SMAP1: variants seen among roughly 807,000 people sequenced by gnomAD.
SMAP1 encodes small ArfGAP 1.
A neutral mutation model predicts 58.5 loss-of-function variants in SMAP1; 24 were observed. The observed-to-expected ratio is 0.41, with a 90% confidence interval of 0.30 to 0.58. The LOEUF is 0.58. Among genes scored for constraint, SMAP1 ranks in the 20% least tolerant of loss-of-function variants. SMAP1 has a pLI of 0.29. For synonymous variants in SMAP1, 216 were observed against 196.6 expected (o/e 1.10, Z -0.82); for missense variants, 563 against 566.3 (o/e 0.99, Z 0.06).
chr6:70,777,346 T>G (rs1257059266), intron 4 of SMAP1, among the ~76,000 whole-genome samples: 1 of 152,216 alleles, frequency 6.6e-6, no homozygotes, highest in Non-Finnish European at 1.5e-5. Flanking sequence ...CCATCTTGGC[T>G]CCTCCTGCAT....
intron 3 of SMAP1, among the ~76,000 whole-genome samples, chr6:70,759,560 T>C (rs1244968067): frequency 2.0e-5 from 3 of 152,120 alleles, no homozygotes; most frequent in African/African-American, 7.2e-5. Flanking sequence ...GGCAGGACAG[T>C]ATATATCTTC....
chr6:70,857,685 A>G, intron 9 of SMAP1: 1 of 522,904 alleles, frequency 1.9e-6, no homozygotes, highest in Non-Finnish European at 3.4e-6. Flanking sequence ...TGGCTGTTGC[A>G]TATGATTTAC....
At chr6:70,771,042 C>T (rs886422572) in intron 3 of SMAP1, among the ~76,000 whole-genome samples, 15 of 152,126 alleles carry the variant, frequency 9.9e-5, no homozygotes, top group African/African-American at 3.6e-4. Flanking sequence ...TGGGTACCAG[C>T]AGTGGTGGCT....
chr6:70,702,151 CTTAGTT>C (rs912853656), intron 1 of SMAP1, among the ~76,000 whole-genome samples: 4 of 151,944 alleles, frequency 2.6e-5, no homozygotes, highest in African/African-American at 7.2e-5. Context: ...TCTGTTTATC[CTTAGTT>C]TTAATCAGTT....
intron 6 of SMAP1, among the ~76,000 whole-genome samples, chr6:70,802,866 G>A (rs12203441): frequency 0.44 from 66,048 of 151,806 alleles, 14,711 homozygotes; most frequent in South Asian, 0.5. Flanking sequence ...CCACTTGATC[G>A]TGGTGGATAA....
In SMAP1 at chr6:70,857,946, T is replaced by C. The variant is rs118174139; in HGVS notation, c.986T>C (p.Ile329Thr). Reference protein sequence around the residue: ...TPGVFMGPTNIPFTSQAPAAF... With the variant: ...TPGVFMGPTNTPFTSQAPAAF... ...GGTGTATTTATGGGACCCACAAATA[T>C]ACCATTTACCTCACAAGCACCAGCT... Residue 329 changes from isoleucine to threonine, a missense_variant, in exon 10 of 11, where the codon ATA (isoleucine) becomes ACA (threonine). By Grantham distance (89) the Ile-to-Thr change is moderately conservative. Transcript: ENST00000370455. 1.5e-4 allele frequency: 242 copies of C among 1,614,138 alleles called. 1 individual carries two copies. In the East Asian group the frequency reaches 2.7e-3, roughly 18 times the overall value.
chr6:70,761,092 G>T (rs1766727830), intron 3 of SMAP1, among the ~76,000 whole-genome samples: 1 of 151,816 alleles, frequency 6.6e-6, no homozygotes, highest in African/African-American at 2.4e-5. Flanking sequence ...TTTCTTCTTT[G>T]GGAGTAGATA....
At chr6:70,822,659 C>G (rs551314011) in intron 6 of SMAP1, among the ~76,000 whole-genome samples, 31 of 152,226 alleles carry the variant, frequency 2.0e-4, no homozygotes, top group African/African-American at 7.2e-4. Flanking sequence ...TTGGTGTTCT[C>G]TGAGCTTCCT....
intron 6 of SMAP1, among the ~76,000 whole-genome samples, chr6:70,821,265 GA>G (rs1221046712): frequency 1.3e-5 from 2 of 152,082 alleles, no homozygotes; most frequent in African/African-American, 4.8e-5. Context: ...GCGTCTGTGA[GA>G]TTCATTTATG....
intron 1 of SMAP1, among the ~76,000 whole-genome samples, chr6:70,689,947 C>G (rs1414638484): frequency 6.6e-6 from 1 of 152,170 alleles, no homozygotes; most frequent in Non-Finnish European, 1.5e-5. Context: ...GTTTTCATAG[C>G]TTTTTTCGTG....
chr6:70,683,165 CTTTTTT>C (rs112629325), intron 1 of SMAP1, among the ~76,000 whole-genome samples: 1 of 114,536 alleles, frequency 8.7e-6, no homozygotes, highest in South Asian at 2.9e-4. Context: ...TAAGATTTAA[CTTTTTT>C]TTTTTTTTTT....
intron 1 of SMAP1, 33 bp from the exon 2 acceptor site, chr6:70,732,345 T>A (rs1455030298): frequency 1.3e-6 from 2 of 1,590,078 alleles, no homozygotes; most frequent in Non-Finnish European, 1.7e-6. Flanking sequence ...TTTTAACATT[T>A]GCTTTTTTTT....
At chr6:70,701,910 AT>A (rs1767645724) in intron 1 of SMAP1, among the ~76,000 whole-genome samples, 2 of 152,098 alleles carry the variant, frequency 1.3e-5, no homozygotes, top group South Asian at 4.2e-4. Flanking sequence ...CTGTTTGTTC[AT>A]CTTGCTCTGC....
rs548323980 is a variant in SMAP1 at position 70,772,314 on chromosome 6, T to A, written c.339-1036T>A. On this transcript the variant is annotated intron_variant, in intron 3 of 10. Transcript: ENST00000370455. The stretch of plus-strand genomic sequence containing the variant: ...TCATTTTAAAAGGCTTTTTAAAAAA[T>A]TTTTATGAATGGTTATTGACTGAAA... Among the ~76,000 whole-genome samples, 11 of 152,304 alleles carry A rather than the reference T, an allele frequency of 7.2e-5. No individual in the cohort carries two copies. The East Asian group carries it at 1.7e-3, about 24-fold the overall frequency.
intron 4 of SMAP1, among the ~76,000 whole-genome samples, chr6:70,782,230 A>G (rs1767793390): frequency 6.6e-6 from 1 of 152,212 alleles, no homozygotes; most frequent in Admixed American, 6.5e-5. Flanking sequence ...TTTGAAAGTA[A>G]ATATGGATAA....
At chr6:70,793,672 G>GAA (rs1491362420) in intron 5 of SMAP1, among the ~76,000 whole-genome samples, 1 of 146,982 alleles carries the variant, frequency 6.8e-6, no homozygotes, top group Admixed American at 6.8e-5. Context: ...GAGAGAGAGA[G>GAA]AAAGCTTAAA....
intron 6 of SMAP1, among the ~76,000 whole-genome samples, chr6:70,829,883 G>A (rs1770287531): frequency 6.6e-6 from 1 of 152,154 alleles, no homozygotes; most frequent in South Asian, 2.1e-4. Context: ...AGGCTCAGCT[G>A]TTATGTCTGT....
chr6:70,729,459 T>TTGTGTGTGTGTGTGTGTGTGTGTG (rs35058846), intron 1 of SMAP1, among the ~76,000 whole-genome samples: 49 of 128,106 alleles, frequency 3.8e-4, no homozygotes, highest in South Asian at 5.3e-4. Flanking sequence ...AAAAAGAAGG[T>TTGTGTGTGTGTGTGTGTGTGTGTG]TGTGTGTGTG....
intron 5 of SMAP1, among the ~76,000 whole-genome samples, chr6:70,794,010 G>T (rs1031445036): frequency 6.6e-6 from 1 of 152,178 alleles, no homozygotes; most frequent in African/African-American, 2.4e-5. Context: ...TGGGATTACA[G>T]GCGTGAGCCA....
Sources: allele counts gnomAD v4.1 joint callset (sites outside exome capture counted in the v4.1 genomes callset), GRCh38; gene constraint gnomAD v4.1.1; transcripts MANE v1.5; gene names NCBI Gene and HGNC (gene_info 2026-07-23, HGNC 2026-07-21).